DMD: variants seen among roughly 807,000 people sequenced by gnomAD.
DMD encodes the protein mutant dystrophin.
Under a neutral mutation model 330.1 loss-of-function variants are expected in DMD, and 63 were observed. The ratio of observed to expected loss-of-function variants is 0.19; its 90% confidence interval spans 0.16 to 0.24. The LOEUF is 0.24. Ranked by LOEUF, DMD falls within the 10% of genes least tolerant of loss-of-function variation. The pLI is 1.00. For synonymous variants in DMD, 1,223 were observed against 959.8 expected (o/e 1.27, Z -5.07); for missense variants, 3,344 against 2,684.1 (o/e 1.25, Z -5.43).
chrX:32,496,701 G>A (rs933385034), intron 19 of DMD, among the ~76,000 whole-genome samples: 54 of 112,847 alleles, frequency 4.8e-4, no homozygotes, highest in South Asian at 2.5e-3. Context: ...CATGCACGCC[G>A]TGCTCACACA....
intron 76 of DMD, among the ~76,000 whole-genome samples, chrX:31,139,433 C>T (rs1488802722): frequency 9.3e-6 from 1 of 107,278 alleles, no homozygotes; most frequent in Non-Finnish European, 1.9e-5. Flanking sequence ...CATCAACCAA[C>T]GAGTGGATAA....
chrX:33,077,419 A>G (rs189092761), intron 1 of DMD, among the ~76,000 whole-genome samples: 1 of 111,616 alleles, frequency 9.0e-6, no homozygotes, highest in African/African-American at 3.3e-5. Flanking sequence ...AGGTGGTTTC[A>G]ATCCCTTCCT....
intron 57 of DMD, among the ~76,000 whole-genome samples, chrX:31,496,424 A>G (rs2069853095): frequency 8.9e-6 from 1 of 112,318 alleles, no homozygotes; most frequent in Admixed American, 9.4e-5. Flanking sequence ...TTGTTTTAAA[A>G]CAATCTGGGA....
intron 9 of DMD, among the ~76,000 whole-genome samples, chrX:32,661,006 A>C (rs762666324): frequency 9.0e-6 from 1 of 111,535 alleles, no homozygotes; most frequent in Non-Finnish European, 1.9e-5. Flanking sequence ...GACATTATGC[A>C]TCCTATTAAG....
chrX:32,768,695 C>T (rs938161974), intron 7 of DMD, among the ~76,000 whole-genome samples: 1 of 111,965 alleles, frequency 8.9e-6, no homozygotes, highest in South Asian at 3.7e-4. Flanking sequence ...AGAATTGAAT[C>T]TAATGGATAT....
At chrX:31,429,834 G>T (rs1340750515) in intron 60 of DMD, among the ~76,000 whole-genome samples, 1 of 110,319 alleles carries the variant, frequency 9.1e-6, no homozygotes, top group African/African-American at 3.3e-5. Context: ...GGGAGATGGG[G>T]CAGTTGCTGT....
At chrX:31,761,055 T>G (rs1409272988) in intron 51 of DMD, among the ~76,000 whole-genome samples, 2 of 108,127 alleles carry the variant, frequency 1.8e-5, no homozygotes, top group African/African-American at 6.8e-5. Flanking sequence ...CTGGCTAATT[T>G]TTTGTATTTT....
In DMD at chrX:31,184,976, AG is replaced by A. The variant is rs1485243839; in HGVS notation, c.9808-2073del. On this transcript the variant is annotated intron_variant, in intron 67 of 78. Transcript: ENST00000357033. ...CTGGGGACTGTTGTGGGGTGGGGGGAGGGGGGAGGGATAGCATTAGGAGATA... is the reference window on the plus strand; with the variant it reads ...CTGGGGACTGTTGTGGGGTGGGGGGAGGGGGAGGGATAGCATTAGGAGATA... Among the ~76,000 whole-genome samples the A allele has an allele frequency of 8.4e-5, 3 of 35,679 alleles. No homozygotes were observed. The Admixed American group carries it at 1.3e-3, about 16-fold the overall frequency. 31.0% of individuals were successfully genotyped at this position (35,679 alleles called of 115,157 possible). A position where few individuals can be genotyped will look rare whatever the true frequency, so the allele number is the denominator to read the frequency against.
chrX:33,131,452 T>C (rs1032379043), intron 1 of DMD, among the ~76,000 whole-genome samples: 2 of 111,926 alleles, frequency 1.8e-5, no homozygotes, highest in African/African-American at 6.5e-5. Context: ...CAGAATCAAC[T>C]GACGAGCTCA....
At position 32,735,815 on chromosome X, in the gene DMD, G is replaced by A. The variant is rs767739604; in HGVS notation, c.650-36522C>T. Among the ~76,000 whole-genome samples, 534 of 111,480 alleles carry A rather than the reference G, an allele frequency of 4.8e-3. 12 individuals carry two copies. The highest frequency in any genetic ancestry group is 0.016 in the African/African-American group (492 of 30,670). On this transcript the variant is annotated intron_variant, in intron 7 of 78. Coordinates refer to ENST00000357033, the MANE Select transcript of DMD (RefSeq NM_004006.3). ...TTAGACCTAAAACCATAAAAACCCT[G>A]GAAGAAAACCTAGGCATTACCATTC...
At chrX:33,296,384 G>T (rs902358720) in intron 1 of DMD, among the ~76,000 whole-genome samples, 2 of 110,617 alleles carry the variant, frequency 1.8e-5, no homozygotes, top group East Asian at 2.8e-4. Flanking sequence ...AAAATCCCAA[G>T]AAAACCTCTC....
intron 1 of DMD, among the ~76,000 whole-genome samples, chrX:33,159,967 C>T (rs778096713): frequency 8.1e-5 from 9 of 111,720 alleles, no homozygotes; most frequent in Non-Finnish European, 1.1e-4. Context: ...ACAATGGTTC[C>T]ACTTACAATT....
intron 49 of DMD, among the ~76,000 whole-genome samples, chrX:31,833,941 T>C (rs889100906): frequency 6.3e-5 from 7 of 110,941 alleles, no homozygotes; most frequent in African/African-American, 2.3e-4. Context: ...TTCATAATTA[T>C]TACAGTTTCC....
intron 47 of DMD, among the ~76,000 whole-genome samples, chrX:31,912,591 A>G (rs139420863): frequency 2.6e-3 from 290 of 112,010 alleles, no homozygotes; most frequent in African/African-American, 8.7e-3. Context: ...TTTGATTAAT[A>G]AAGATGTGCT....
chrX:32,573,393 A>G, intron 15 of DMD, 137 bp downstream of exon 15: 1 of 537,328 alleles, frequency 1.9e-6, no homozygotes. Context: ...AAAAGTAGCA[A>G]TATAACATCT....
At chrX:32,554,343 A>G (rs1231113820) in intron 16 of DMD, among the ~76,000 whole-genome samples, 1 of 111,492 alleles carries the variant, frequency 9.0e-6, no homozygotes, top group Non-Finnish European at 1.9e-5. Context: ...TTGGAAAAAA[A>G]TAAAAATAAA....
intron 13 of DMD, among the ~76,000 whole-genome samples, chrX:32,591,252 T>C (rs2054876042): frequency 1.8e-5 from 2 of 112,241 alleles, no homozygotes; most frequent in African/African-American, 6.5e-5. Flanking sequence ...GCCTTTTATA[T>C]GGCAGAAATT....
intron 44 of DMD, among the ~76,000 whole-genome samples, chrX:31,995,495 G>T (rs896907008): frequency 4.5e-5 from 5 of 111,933 alleles, no homozygotes; most frequent in Non-Finnish European, 7.5e-5. Flanking sequence ...ACATTTTGTG[G>T]ATAATTTATG....
intron 77 of DMD, among the ~76,000 whole-genome samples, chrX:31,128,124 G>C (rs897233545): frequency 9.0e-6 from 1 of 111,478 alleles, no homozygotes; most frequent in African/African-American, 3.3e-5. Flanking sequence ...ATCCCAGTAT[G>C]AATCACTCAC....
Sources: allele counts gnomAD v4.1 joint callset (sites outside exome capture counted in the v4.1 genomes callset), GRCh38; gene constraint gnomAD v4.1.1; transcripts MANE v1.5; gene names NCBI Gene and HGNC (gene_info 2026-07-23, HGNC 2026-07-21).